The following CLTA variants were observed in gnomAD, a reference collection of about 807,000 sequenced individuals.
The protein encoded by CLTA is clathrin, light polypeptide (Lca).
CLTA carries 9 observed loss-of-function variants against 26.9 expected under a neutral mutation model. The ratio of observed to expected loss-of-function variants is 0.33; its 90% CI spans 0.20 to 0.58. The LOEUF (loss-of-function observed/expected upper bound fraction) is 0.58. Among genes scored for constraint, CLTA ranks in the 20% least tolerant of loss-of-function variants. The pLI is 0.85. For synonymous variants in CLTA, 120 were observed against 115.5 expected (o/e 1.04, Z -0.25); for missense variants, 278 against 294.2 (o/e 0.94, Z 0.40).
chr9:36,203,348 T>G (rs997135658), intron 3 of CLTA, among the ~76,000 whole-genome samples: 4 of 152,234 alleles, frequency 2.6e-5, no homozygotes, highest in African/African-American at 9.6e-5. Flanking sequence ...TGCACTTCTC[T>G]CCAGTGGAGT....
chr9:36,209,016 G>T (rs1827884558), intron 4 of CLTA, among the ~76,000 whole-genome samples: 1 of 152,210 alleles, frequency 6.6e-6, no homozygotes. Context: ...TGTTGCTGGG[G>T]TGAGCCAAAG....
chr9:36,210,685 CCTAA>C (rs776426291), intron 4 of CLTA: 38 of 1,613,794 alleles, frequency 2.4e-5, no homozygotes, highest in Non-Finnish European at 2.8e-5. Flanking sequence ...TCTCACTGCC[CCTAA>C]CTGTGTGTGC....
intron 4 of CLTA, among the ~76,000 whole-genome samples, chr9:36,207,212 A>G (rs185043282): frequency 7.2e-5 from 11 of 152,238 alleles, no homozygotes; most frequent in Admixed American, 7.2e-4. Context: ...TTTTATCCCA[A>G]GTTGAGGCCT....
chr9:36,206,589 A>G (rs1310134165), intron 4 of CLTA, among the ~76,000 whole-genome samples: 5 of 152,148 alleles, frequency 3.3e-5, no homozygotes, highest in African/African-American at 4.8e-5. Flanking sequence ...TAAAGAGTGA[A>G]TATTTTTAGA....
At chr9:36,191,650 G>A (rs1826730324) in intron 1 of CLTA, among the ~76,000 whole-genome samples, 2 of 152,160 alleles carry the variant, frequency 1.3e-5, no homozygotes, top group African/African-American at 2.4e-5. Flanking sequence ...TCTGAGCCGA[G>A]CACAGAACTC....
intron 1 of CLTA, among the ~76,000 whole-genome samples, chr9:36,197,106 T>G (rs1563908869): frequency 6.6e-6 from 1 of 152,108 alleles, no homozygotes; most frequent in Non-Finnish European, 1.5e-5. Context: ...GCCCAAAAGG[T>G]CGAGGCTACA....
intron 1 of CLTA, among the ~76,000 whole-genome samples, chr9:36,194,135 C>T (rs907101815): frequency 1.3e-5 from 2 of 152,198 alleles, no homozygotes; most frequent in African/African-American, 4.8e-5. Context: ...AAGCAGTTAT[C>T]CTGCCTCAGC....
At chr9:36,192,772 G>A (rs1400978315) in intron 1 of CLTA, among the ~76,000 whole-genome samples, 1 of 152,162 alleles carries the variant, frequency 6.6e-6, no homozygotes, top group Non-Finnish European at 1.5e-5. Flanking sequence ...CCCACTCTTA[G>A]AATATACCAC....
At chr9:36,203,595 A>G (rs150192207) in intron 3 of CLTA, among the ~76,000 whole-genome samples, 27 of 152,374 alleles carry the variant, frequency 1.8e-4, no homozygotes, top group African/African-American at 6.3e-4. Context: ...AACCTGGAAT[A>G]TGGACTAGTT....
intron 1 of CLTA, among the ~76,000 whole-genome samples, chr9:36,195,258 C>T (rs892550589): frequency 6.6e-6 from 1 of 152,158 alleles, no homozygotes; most frequent in Non-Finnish European, 1.5e-5. Context: ...AAAGCAGATA[C>T]AGAAATCATG....
intron 4 of CLTA, among the ~76,000 whole-genome samples, chr9:36,207,355 G>T (rs556537626): frequency 2.0e-5 from 3 of 152,216 alleles, no homozygotes; most frequent in Non-Finnish European, 4.4e-5. Context: ...AACAACCCCA[G>T]AACATTTCCC....
chr9:36,196,472 G>A (rs1001386622), intron 1 of CLTA, among the ~76,000 whole-genome samples: 2 of 151,228 alleles, frequency 1.3e-5, no homozygotes, highest in Non-Finnish European at 2.9e-5. Context: ...TCAGCCTCCT[G>A]AGTAGCTGGG....
chr9:36,194,814 T>C (rs1419272056), intron 1 of CLTA, among the ~76,000 whole-genome samples: 3 of 152,260 alleles, frequency 2.0e-5, no homozygotes, highest in African/African-American at 4.8e-5. Context: ...TCTGCATGTT[T>C]CCACAGCAAC....
chr9:36,191,262 C>CG lies in CLTA; in HGVS notation c.212dup (p.Pro72SerfsTer5). On this transcript the variant is annotated frameshift_variant, in exon 1 of 5. Coordinates refer to ENST00000345519, the MANE Select transcript of CLTA (RefSeq NM_001833.4). LOFTEE classifies it high-confidence loss of function. ...GGGCCCCAGCCGCACGGCGAGCCGC[C>CG]GGGGGGTCCGGGTGAGAGTGCGGGC... 1 of 1,524,762 alleles carries CG rather than the reference C, an allele frequency of 6.6e-7. No homozygotes were observed. Among genetic ancestry groups the CG allele is most frequent in the Non-Finnish European group, 8.8e-7 (1 of 1,141,138 alleles). The allele number at this position is 1,524,762 out of a possible 1,614,324, so 94.5% of individuals were successfully genotyped here.
At chr9:36,194,272 C>T (rs71531218) in intron 1 of CLTA, among the ~76,000 whole-genome samples, 2 of 152,112 alleles carry the variant, frequency 1.3e-5, no homozygotes, top group Non-Finnish European at 2.9e-5. Context: ...GGTGAGCCAC[C>T]CGCCTTGGCC....
chr9:36,195,001 C>G (rs1320185026), intron 1 of CLTA, among the ~76,000 whole-genome samples: 1 of 152,124 alleles, frequency 6.6e-6, no homozygotes, highest in Non-Finnish European at 1.5e-5. Flanking sequence ...GAGTAGTGAT[C>G]AAAGTCTCTC....
chr9:36,195,177 G>C (rs1386981814), intron 1 of CLTA, among the ~76,000 whole-genome samples: 1 of 152,170 alleles, frequency 6.6e-6, no homozygotes, highest in African/African-American at 2.4e-5. Flanking sequence ...GGATTAAAGA[G>C]AGACATTTAA....
At chr9:36,201,538 G>A (rs1478812815) in intron 3 of CLTA, among the ~76,000 whole-genome samples, 1 of 152,144 alleles carries the variant, frequency 6.6e-6, no homozygotes. Context: ...GTCTGTTCAG[G>A]AGGTCACCAT....
At chr9:36,197,636 C>CT in intron 2 of CLTA, 48 bp downstream of exon 2, 1 of 1,424,428 alleles carries the variant, frequency 7.0e-7, no homozygotes, top group Non-Finnish European at 9.8e-7. Context: ...GAGAATCTTC[C>CT]TTTCCTGTGA....
Sources: allele counts gnomAD v4.1 joint callset (sites outside exome capture counted in the v4.1 genomes callset), GRCh38; gene constraint gnomAD v4.1.1; transcripts MANE v1.5; gene names NCBI Gene and HGNC (gene_info 2026-07-23, HGNC 2026-07-21).